The following CERS3 variants were observed in gnomAD, a reference collection of about 807,000 sequenced individuals.
CERS3 encodes the protein LAG1 homolog, ceramide synthase 3.
In CERS3, 33 loss-of-function variants were observed where a neutral mutation model predicts 50.3. That is an observed-to-expected ratio of 0.66 (90% CI 0.50 to 0.88). The LOEUF (loss-of-function observed/expected upper bound fraction) is 0.88. Ranked by LOEUF, CERS3 falls within the 40% of genes least tolerant of loss-of-function variation. The probability of loss-of-function intolerance (pLI) is 0.00; values close to 1 mark genes in which losing one functional copy is unlikely to be tolerated. For missense variants in CERS3, 470 were observed against 460.3 expected (o/e 1.02, Z -0.19); for synonymous variants, 176 against 155.2 (o/e 1.13, Z -0.99).
chr15:100,537,417 A>G (rs1402354672), intron 1 of CERS3, among the ~76,000 whole-genome samples: 1 of 152,220 alleles, frequency 6.6e-6, no homozygotes, highest in Admixed American at 6.5e-5. Context: ...ATACTGCTAT[A>G]AAGAACTGCT....
Position 100,420,359 on chromosome 15 carries a change from A to C in CERS3, c.1000-17494T>G, listed in dbSNP as rs565218749. Reference sequence around the variant, plus strand: ...AAATGGATAAATTCCTGGACACATAACACTCTCCCAAGACTAAACCAGGAA... The same window carrying C: ...AAATGGATAAATTCCTGGACACATACCACTCTCCCAAGACTAAACCAGGAA... On this transcript the variant is annotated intron_variant, in intron 11 of 11. Transcript: ENST00000679737. 3.9e-5 allele frequency among the ~76,000 whole-genome samples: 6 copies of C among 152,260 alleles called. No individual in the cohort carries two copies. In the South Asian group the frequency reaches 1.0e-3, roughly 26 times the overall value.
intron 11 of CERS3, among the ~76,000 whole-genome samples, chr15:100,449,073 G>A (rs929687712): frequency 6.6e-6 from 1 of 152,182 alleles, no homozygotes; most frequent in African/African-American, 2.4e-5. Context: ...AGGGCCTGAG[G>A]ATAGGTCTGC....
chr15:100,525,435 T>C (rs73475768), intron 1 of CERS3, among the ~76,000 whole-genome samples: 3,063 of 152,284 alleles, frequency 0.02, 108 homozygotes, highest in African/African-American at 0.07. Flanking sequence ...AAGGTAAAAT[T>C]TGTTTCATGG....
At chr15:100,466,853 C>CCCTCTCTCTCTCTCTCTCTCTCTCTT (rs2034757507) in intron 10 of CERS3, among the ~76,000 whole-genome samples, 4 of 104,604 alleles carry the variant, frequency 3.8e-5, no homozygotes, top group African/African-American at 6.7e-5. Flanking sequence ...CTCTCTTTCT[C>CCCTCTCTCTCTCTCTCTCTCTCTCTT]TCTTTCTTTC....
intron 11 of CERS3, among the ~76,000 whole-genome samples, chr15:100,449,541 C>G (rs893672640): frequency 1.3e-5 from 2 of 152,182 alleles, no homozygotes; most frequent in African/African-American, 4.8e-5. Context: ...CAAGGACTAG[C>G]CCACTTGGCA....
intron 2 of CERS3, among the ~76,000 whole-genome samples, chr15:100,502,339 A>C (rs1330898407): frequency 6.6e-6 from 1 of 151,650 alleles, no homozygotes; most frequent in Non-Finnish European, 1.5e-5. Flanking sequence ...ATGATCCTTC[A>C]TTGCATTAAA....
intron 9 of CERS3, 136 bp downstream of exon 9, chr15:100,472,788 A>G: frequency 1.0e-6 from 1 of 969,268 alleles, no homozygotes; most frequent in Non-Finnish European, 1.6e-6. Flanking sequence ...AGGATCTGGG[A>G]ATCTAGAGAT....
At chr15:100,459,268 T>C (rs1276046850) in intron 10 of CERS3, among the ~76,000 whole-genome samples, 1 of 152,208 alleles carries the variant, frequency 6.6e-6, no homozygotes, top group Non-Finnish European at 1.5e-5. Context: ...GTTCATTATA[T>C]TAGAAAGAAT....
At chr15:100,492,713 G>A (rs1028344441) in intron 3 of CERS3, among the ~76,000 whole-genome samples, 2 of 152,002 alleles carry the variant, frequency 1.3e-5, no homozygotes, top group Non-Finnish European at 2.9e-5. Context: ...TGATAAAATA[G>A]GATTTATGTC....
At chr15:100,527,779 T>C (rs993314397) in intron 1 of CERS3, among the ~76,000 whole-genome samples, 4 of 152,258 alleles carry the variant, frequency 2.6e-5, no homozygotes, top group Non-Finnish European at 5.9e-5. Context: ...TTCAAACTTA[T>C]GTAAATCAAT....
Position 100,484,676 on chromosome 15 carries a change from G to A in CERS3, c.289-8C>T, listed in dbSNP as rs565856630. 65 of 1,568,872 alleles carry A rather than the reference G, an allele frequency of 4.1e-5. No individual in the cohort carries two copies. In the South Asian group the frequency reaches 5.2e-4, roughly 13 times the overall value. ...CAGTCCATAAATATCAGTCTGAAAA[G>A]GGATGAAACGCATAAATGAGTGATA... On this transcript the variant is annotated splice_polypyrimidine_tract_variant and splice_region_variant and intron_variant, in intron 4 of 11. Transcript: ENST00000679737.
intron 11 of CERS3, among the ~76,000 whole-genome samples, chr15:100,412,805 T>C (rs1051683106): frequency 6.6e-6 from 1 of 152,214 alleles, no homozygotes; most frequent in Admixed American, 6.5e-5. Flanking sequence ...TAAGAGATGA[T>C]TTCATTTTGT....
At chr15:100,488,384 CTTT>C (rs776401071) in intron 4 of CERS3, among the ~76,000 whole-genome samples, 35 of 152,102 alleles carry the variant, frequency 2.3e-4, no homozygotes, top group South Asian at 2.3e-3. Context: ...GTTTTGAATA[CTTT>C]TTTTTAGTGG....
At chr15:100,403,409 C>T (rs1308194644) in intron 11 of CERS3, among the ~76,000 whole-genome samples, 2 of 151,616 alleles carry the variant, frequency 1.3e-5, no homozygotes, top group African/African-American at 4.8e-5. Flanking sequence ...ATAATTAGGA[C>T]AAAACAATTA....
intron 2 of CERS3, among the ~76,000 whole-genome samples, chr15:100,515,144 T>C (rs1255486148): frequency 3.9e-5 from 6 of 152,238 alleles, no homozygotes; most frequent in African/African-American, 1.4e-4. Flanking sequence ...AAATGTTTCA[T>C]ATACAAAAGC....
intron 4 of CERS3, among the ~76,000 whole-genome samples, chr15:100,485,769 C>G (rs1486841965): frequency 6.6e-6 from 1 of 152,132 alleles, no homozygotes; most frequent in Non-Finnish European, 1.5e-5. Flanking sequence ...GAGGCTGAGG[C>G]AGGAGACTTG....
chr15:100,497,971 G>A (rs969923225), intron 3 of CERS3, among the ~76,000 whole-genome samples: 1 of 147,548 alleles, frequency 6.8e-6, no homozygotes, highest in African/African-American at 2.5e-5. Context: ...TCGGCTCACT[G>A]CAACTTCTGC....
intron 11 of CERS3, among the ~76,000 whole-genome samples, chr15:100,444,610 G>A (rs1596673532): frequency 6.6e-6 from 1 of 152,224 alleles, no homozygotes; most frequent in East Asian, 1.9e-4. Context: ...TATCCTCAAG[G>A]AAATAACTTC....
intron 10 of CERS3, among the ~76,000 whole-genome samples, chr15:100,460,675 C>T (rs1285151639): frequency 6.6e-6 from 1 of 152,206 alleles, no homozygotes; most frequent in African/African-American, 2.4e-5. Flanking sequence ...GCAAGCTTTC[C>T]AAAGGCCGTG....
Sources: gnomAD v4.1 joint callset for allele counts (sites outside exome capture counted in the v4.1 genomes callset) on GRCh38, gnomAD v4.1.1 for gene constraint, MANE v1.5 for transcripts, NCBI Gene and HGNC (gene_info 2026-07-23, HGNC 2026-07-21) for gene names.